PCM1: variants seen among roughly 807,000 people sequenced by gnomAD.
The protein encoded by PCM1 is pericentriolar material 1 protein.
In PCM1, 157 loss-of-function variants were observed where a neutral mutation model predicts 241.9. The ratio of observed to expected loss-of-function variants is 0.65; its 90% CI spans 0.57 to 0.74. The LOEUF (loss-of-function observed/expected upper bound fraction) is 0.74, where lower values mean the gene tolerates loss of function less well. Among genes scored for constraint, PCM1 ranks in the 30% least tolerant of loss-of-function variants. PCM1 has a pLI of 0.00. For missense variants in PCM1, 3,478 were observed against 2,360.1 expected, an observed-to-expected ratio of 1.47 and a Z score of -9.81; for synonymous variants, 1,085 against 784.9, an observed-to-expected ratio of 1.38 and a Z score of -6.39.
Position 17,953,007 on chromosome 8 carries a change from G to A in PCM1, c.1109G>A (p.Ser370Asn), listed in dbSNP as rs368627018. ...AVPDNRRQAE[S>N]LSLTREVSQS... ...CCAGACAATAGAAGACAGGCAGAAA[G>A]TCTTTCATTAACTAGGGAGGTTTCC... Residue 370 changes from serine to asparagine, a missense_variant, in exon 9 of 39, where the codon AGT becomes AAT. Coordinates refer to ENST00000325083, the MANE Select transcript of PCM1 (RefSeq NM_006197.4). 1 of 1,606,740 alleles carries A rather than the reference G, an allele frequency of 6.2e-7. No homozygotes were observed. The highest frequency in any genetic ancestry group is 1.3e-5 in the African/African-American group (1 of 74,660).
At chr8:17,987,797 C>G (rs2083112316) in intron 26 of PCM1, among the ~76,000 whole-genome samples, 1 of 151,798 alleles carries the variant, frequency 6.6e-6, no homozygotes, top group Non-Finnish European at 1.5e-5. Flanking sequence ...TCTGCATTGT[C>G]TAATGCTGTA....
At chr8:17,964,411 G>A (rs1338549234) in intron 17 of PCM1, among the ~76,000 whole-genome samples, 157 bp from the exon 18 acceptor site, 1 of 152,200 alleles carries the variant, frequency 6.6e-6, no homozygotes, top group Non-Finnish European at 1.5e-5. Flanking sequence ...AACAGCAATA[G>A]GGAGAGTGCC....
chr8:17,973,514 T>A (rs1241374206), intron 23 of PCM1, among the ~76,000 whole-genome samples: 1 of 151,670 alleles, frequency 6.6e-6, no homozygotes, highest in Non-Finnish European at 1.5e-5. Flanking sequence ...AGAGCAGGAG[T>A]TTGAGACCAG....
At chr8:18,026,821 T>A (rs1486982694) in intron 38 of PCM1, among the ~76,000 whole-genome samples, 3 of 152,202 alleles carry the variant, frequency 2.0e-5, no homozygotes, top group Non-Finnish European at 4.4e-5. Context: ...CCTCCTCTGC[T>A]TTCTTCCTGG....
intron 13 of PCM1, among the ~76,000 whole-genome samples, chr8:17,958,352 A>AAC (rs2069722184): frequency 6.6e-6 from 1 of 152,182 alleles, no homozygotes; most frequent in African/African-American, 2.4e-5. Context: ...TTAAAGTTAG[A>AAC]ACTATTAATC....
intron 2 of PCM1, chr8:17,927,491 T>C (rs2057434131): frequency 6.6e-6 from 1 of 152,150 alleles, no homozygotes; most frequent in Admixed American, 6.6e-5. Flanking sequence ...ATAGGTATTT[T>C]CATGGTAATT....
At position 17,935,667 on chromosome 8, in the gene PCM1, C is replaced by G. The variant is rs1173447405; in HGVS notation, c.57C>G (p.Asn19Lys). The G allele has an allele frequency of 3.9e-6, 6 of 1,551,578 alleles. No homozygotes were observed. The African/African-American group carries it at 5.4e-5, about 14-fold the overall frequency. The change falls in exon 3 of 39, where the codon AAC (asparagine) becomes AAG (lysine). Residue 19 changes from asparagine (N) to lysine (K), a missense_variant. Asn to Lys is a moderately conservative substitution (Grantham distance 94). Transcript: ENST00000325083. ...EDGMNDQDLPNWSNENVDDRL... is the reference protein window; with the variant it reads ...EDGMNDQDLPKWSNENVDDRL... ...GCATGAATGATCAGGATTTACCAAA[C>G]TGGAGTAATGAGAATGTTGATGACA...
chr8:17,958,135 T>G (rs2069568824), intron 13 of PCM1, among the ~76,000 whole-genome samples: 1 of 152,164 alleles, frequency 6.6e-6, no homozygotes, highest in East Asian at 1.9e-4. Flanking sequence ...TTTTGTTGTT[T>G]TTGTTGTTTT....
intron 2 of PCM1, among the ~76,000 whole-genome samples, chr8:17,928,792 T>C (rs1050841325): frequency 6.6e-6 from 1 of 151,896 alleles, no homozygotes; most frequent in African/African-American, 2.4e-5. Flanking sequence ...CCACCATACC[T>C]GGCTAATTTT....
intron 17 of PCM1, among the ~76,000 whole-genome samples, 188 bp downstream of exon 17, chr8:17,963,479 A>G (rs1353308873): frequency 6.6e-6 from 1 of 152,216 alleles, no homozygotes; most frequent in Admixed American, 6.5e-5. Flanking sequence ...GACTTCTCGT[A>G]GCATCAGCTT....
At chr8:18,018,524 T>C (rs892548436) in intron 36 of PCM1, among the ~76,000 whole-genome samples, 10 of 152,166 alleles carry the variant, frequency 6.6e-5, no homozygotes, top group Admixed American at 6.5e-4. Context: ...TATAATACTA[T>C]AATCCTACAG....
At chr8:17,942,573 AGTTGACTTG>A (rs1317122510) in intron 6 of PCM1, among the ~76,000 whole-genome samples, 1 of 152,100 alleles carries the variant, frequency 6.6e-6, no homozygotes, top group Admixed American at 6.5e-5. Context: ...AAAATTATCC[AGTTGACTTG>A]GTTGCCTCTT....
At chr8:18,000,081 T>C (rs1414694003) in intron 29 of PCM1, among the ~76,000 whole-genome samples, 1 of 152,142 alleles carries the variant, frequency 6.6e-6, no homozygotes, top group Non-Finnish European at 1.5e-5. Flanking sequence ...CTGTTTTATA[T>C]TGGATGATCA....
At chr8:17,966,818 T>TTA (rs2075056003) in intron 20 of PCM1, among the ~76,000 whole-genome samples, 162 bp from the exon 21 acceptor site, 1 of 152,214 alleles carries the variant, frequency 6.6e-6, no homozygotes, top group African/African-American at 2.4e-5. Flanking sequence ...AGAGGGAAAG[T>TTA]TATTGAATTA....
At chr8:18,018,402 AT>A (rs554247122) in intron 36 of PCM1, among the ~76,000 whole-genome samples, 47 of 152,316 alleles carry the variant, frequency 3.1e-4, no homozygotes, top group African/African-American at 1.1e-3. Context: ...ATACAAATAC[AT>A]TATTCCAAGC....
chr8:17,948,614 C>T (rs1261591467), intron 7 of PCM1, among the ~76,000 whole-genome samples: 1 of 151,950 alleles, frequency 6.6e-6, no homozygotes, highest in Non-Finnish European at 1.5e-5. Context: ...ATAACTTACT[C>T]TTTTGTAGTA....
chr8:17,994,682 C>G (rs1384006015), intron 29 of PCM1, among the ~76,000 whole-genome samples: 9 of 152,180 alleles, frequency 5.9e-5, no homozygotes, highest in Non-Finnish European at 1.2e-4. Context: ...TCCCTTTTCT[C>G]CACATCCTCG....
At chr8:17,953,437 A>G (rs1006204253) in intron 9 of PCM1, among the ~76,000 whole-genome samples, 2 of 152,208 alleles carry the variant, frequency 1.3e-5, no homozygotes, top group Admixed American at 6.5e-5. Flanking sequence ...TAGGATTTTA[A>G]TAAGGGAAAG....
chr8:17,961,433 C>A (rs1185400282), intron 15 of PCM1, among the ~76,000 whole-genome samples: 1 of 151,304 alleles, frequency 6.6e-6, no homozygotes, highest in African/African-American at 2.4e-5. Context: ...GCCTCAGCCT[C>A]CCGAGTAGCT....
Sources: gnomAD v4.1 joint callset for allele counts (sites outside exome capture counted in the v4.1 genomes callset) on GRCh38, gnomAD v4.1.1 for gene constraint, MANE v1.5 for transcripts, NCBI Gene and HGNC (gene_info 2026-07-23, HGNC 2026-07-21) for gene names.